Variants in CLIC5 observed in about 807,000 individuals in gnomAD.
The protein encoded by CLIC5 is chloride intracellular channel protein 5.
Under a neutral mutation model 24.7 loss-of-function variants are expected in CLIC5, and 20 were observed. The ratio of observed to expected loss-of-function variants is 0.81; its 90% CI spans 0.57 to 1.18. The LOEUF is 1.18. CLIC5 is among the 50% of genes most tolerant of loss of function. CLIC5 has a pLI of 0.00. For synonymous variants in CLIC5, 159 were observed against 135.6 expected, an observed-to-expected ratio of 1.17 and a Z score of -1.20; for missense variants, 341 against 326.1, an observed-to-expected ratio of 1.05 and a Z score of -0.35.
chr6:45,978,123 C>G (rs908911633), intron 1 of CLIC5, among the ~76,000 whole-genome samples: 1 of 152,164 alleles, frequency 6.6e-6, no homozygotes. Flanking sequence ...TGGTGTGGTA[C>G]TTAAAAAGTT....
chr6:46,003,011 T>C (rs1209148812), intron 1 of CLIC5, among the ~76,000 whole-genome samples: 3 of 152,188 alleles, frequency 2.0e-5, no homozygotes, highest in Non-Finnish European at 2.9e-5. Context: ...CAAATTCTGA[T>C]GTCAGGGGAT....
At chr6:45,966,779 C>T (rs905627655) in intron 1 of CLIC5, among the ~76,000 whole-genome samples, 3 of 152,204 alleles carry the variant, frequency 2.0e-5, no homozygotes, top group Admixed American at 1.3e-4. Flanking sequence ...GAAAGAAGTG[C>T]ACCATTTTGA....
intron 1 of CLIC5, among the ~76,000 whole-genome samples, chr6:46,036,589 C>T (rs148345335): frequency 0.019 from 2,938 of 152,296 alleles, 116 homozygotes; most frequent in African/African-American, 0.068. Flanking sequence ...GGATTACAGG[C>T]GTGAGCCACT....
At chr6:46,058,620 A>G (rs1203202773) in intron 1 of CLIC5, among the ~76,000 whole-genome samples, 1 of 152,242 alleles carries the variant, frequency 6.6e-6, no homozygotes, top group Non-Finnish European at 1.5e-5. Flanking sequence ...GACCTGCTGA[A>G]TCTGGGTGGC....
At chr6:45,992,900 A>G (rs898107230) in intron 1 of CLIC5, among the ~76,000 whole-genome samples, 5 of 152,152 alleles carry the variant, frequency 3.3e-5, no homozygotes, top group African/African-American at 1.2e-4. Context: ...TTGAGAATAC[A>G]TGGTCTATAT....
intron 1 of CLIC5, among the ~76,000 whole-genome samples, chr6:46,071,415 A>G (rs376347059): frequency 6.0e-4 from 92 of 152,164 alleles, no homozygotes; most frequent in African/African-American, 2.1e-3. Context: ...CAATCCCATT[A>G]AAAAGTGGGC....
At chr6:46,036,601 C>G (rs12189676) in intron 1 of CLIC5, among the ~76,000 whole-genome samples, 2 of 152,170 alleles carry the variant, frequency 1.3e-5, no homozygotes, top group African/African-American at 4.8e-5. Context: ...TGAGCCACTG[C>G]GCCAGGCCGA....
upstream of CLIC5, among the ~76,000 whole-genome samples, chr6:46,020,196 T>C (rs926288273): frequency 2.0e-5 from 3 of 152,170 alleles, no homozygotes; most frequent in African/African-American, 4.8e-5. Context: ...ACAAACTTCA[T>C]TACGTTAAAA....
At chr6:46,073,362 A>G (rs1199333212) in intron 1 of CLIC5, among the ~76,000 whole-genome samples, 1 of 152,224 alleles carries the variant, frequency 6.6e-6, no homozygotes, top group Non-Finnish European at 1.5e-5. Context: ...GATAGATAAT[A>G]TATAAATCAG....
chr6:45,980,574 A>G (rs1019918043), intron 1 of CLIC5, among the ~76,000 whole-genome samples: 1 of 152,162 alleles, frequency 6.6e-6, no homozygotes, highest in African/African-American at 2.4e-5. Flanking sequence ...TAAAAGTTGA[A>G]AAAGGAGAGA....
At chr6:46,007,016 C>T (rs1037809174) in intron 1 of CLIC5, among the ~76,000 whole-genome samples, 2 of 152,172 alleles carry the variant, frequency 1.3e-5, no homozygotes, top group Non-Finnish European at 2.9e-5. Flanking sequence ...TGTACTTCTT[C>T]TCCATGCTCC....
At chr6:46,069,898 G>T (rs746146659) in intron 1 of CLIC5, among the ~76,000 whole-genome samples, 7 of 152,056 alleles carry the variant, frequency 4.6e-5, no homozygotes, top group Admixed American at 3.3e-4. Flanking sequence ...TTTATCCCTG[G>T]GATGCAAGGT....
At chr6:45,941,282 G>A (rs1764120892) in intron 4 of CLIC5, among the ~76,000 whole-genome samples, 1 of 152,180 alleles carries the variant, frequency 6.6e-6, no homozygotes, top group South Asian at 2.1e-4. Context: ...AGGCTCAGAT[G>A]ACAAAGAGCA....
chr6:46,039,170 A>G (rs1394053140), intron 1 of CLIC5, among the ~76,000 whole-genome samples: 2 of 152,188 alleles, frequency 1.3e-5, no homozygotes, highest in Admixed American at 6.5e-5. Flanking sequence ...AGTATATTCT[A>G]TAAAATCTGA....
At chr6:46,028,734 G>A (rs1028634409) in intron 1 of CLIC5, among the ~76,000 whole-genome samples, 4 of 152,116 alleles carry the variant, frequency 2.6e-5, no homozygotes, top group African/African-American at 9.7e-5. Flanking sequence ...CACATGCACA[G>A]CCTCCCCCAT....
intron 6 of CLIC5, chr6:45,883,698 G>C (rs1762281274): frequency 6.6e-6 from 1 of 152,214 alleles, no homozygotes; most frequent in Admixed American, 6.5e-5. Flanking sequence ...AGTAAAGTGT[G>C]TACCTGGCCT....
At chr6:45,970,200 T>A (rs1207395446) in intron 1 of CLIC5, among the ~76,000 whole-genome samples, 2 of 152,184 alleles carry the variant, frequency 1.3e-5, no homozygotes, top group African/African-American at 4.8e-5. Context: ...CCCACCCAAC[T>A]AATTTCTTCT....
At chr6:46,043,381 A>T (rs895523495) in intron 1 of CLIC5, among the ~76,000 whole-genome samples, 3 of 152,206 alleles carry the variant, frequency 2.0e-5, no homozygotes, top group African/African-American at 7.2e-5. Flanking sequence ...AGATTGTGAA[A>T]CCAGGTTAAT....
chr6:46,109,088 T>C, the CLIC5 span, among the ~76,000 whole-genome samples: 2 of 151,388 alleles, frequency 1.3e-5, no homozygotes, highest in East Asian at 3.8e-4. Flanking sequence ...ATTATGATTA[T>C]TACATTAAAT....
Sources: allele counts gnomAD v4.1 joint callset (sites outside exome capture counted in the v4.1 genomes callset), GRCh38; gene constraint gnomAD v4.1.1; transcripts MANE v1.5; gene names NCBI Gene and HGNC (gene_info 2026-07-23, HGNC 2026-07-21).